SYNDIG1: variants seen among roughly 807,000 people sequenced by gnomAD.
SYNDIG1 encodes synapse differentiation inducing 1, also known as synapse differentiation-inducing gene protein 1.
In SYNDIG1, 9 loss-of-function variants were observed where a neutral mutation model predicts 19.4. The observed-to-expected ratio is 0.46, with a 90% CI of 0.28 to 0.81. SYNDIG1 has a LOEUF of 0.81. Among genes scored for constraint, SYNDIG1 ranks in the 30% least tolerant of loss-of-function variants. SYNDIG1 has a pLI of 0.12. For synonymous variants in SYNDIG1, 141 were observed against 145.9 expected, an observed-to-expected ratio of 0.97 and a Z score of 0.24; for missense variants, 311 against 343.3, an observed-to-expected ratio of 0.91 and a Z score of 0.74.
rs771960685 is a variant in SYNDIG1, at chr20:24,665,474, C to T, written c.747C>T (p.Ile249=). 4.8e-5 allele frequency: 78 copies of T among 1,614,068 alleles called. No individual in the cohort carries two copies. Among genetic ancestry groups the T allele is most frequent in the Non-Finnish European group, 6.1e-5 (72 of 1,179,998 alleles). The change falls in exon 4 of 4, where the codon ATC becomes ATT. Residue 249 remains isoleucine, a synonymous_variant. Coordinates refer to ENST00000376862, the MANE Select transcript of SYNDIG1 (RefSeq NM_024893.3). ...ATGTGGGCGTGGCCGTGGCCCTCAT[C>T]GCCTACCTCTCCAAGAACAACCACC... ...GVYVGVAVAL[I]AYLSKNNHL
chr20:24,541,245 G>A (rs1450163653), intron 1 of SYNDIG1, among the ~76,000 whole-genome samples: 5 of 152,096 alleles, frequency 3.3e-5, no homozygotes, highest in Admixed American at 3.3e-4. Flanking sequence ...CAGTCTCCAA[G>A]TAAAAAAATG....
At chr20:24,490,469 C>T (rs1483067456) in intron 1 of SYNDIG1, among the ~76,000 whole-genome samples, 1 of 152,068 alleles carries the variant, frequency 6.6e-6, no homozygotes, top group Non-Finnish European at 1.5e-5. Context: ...AGGGGCTAGG[C>T]ATAAAGAAGG....
intron 2 of SYNDIG1, among the ~76,000 whole-genome samples, chr20:24,544,768 G>C (rs2057541035): frequency 6.6e-6 from 1 of 152,156 alleles, no homozygotes; most frequent in Non-Finnish European, 1.5e-5. Context: ...TGGGGTGTGA[G>C]GAGATTGCAG....
intron 3 of SYNDIG1, among the ~76,000 whole-genome samples, chr20:24,616,690 T>TGA (rs2058940127): frequency 1.3e-5 from 2 of 152,324 alleles, no homozygotes; most frequent in Non-Finnish European, 2.9e-5. Flanking sequence ...TGGACAGGGC[T>TGA]GAGGCAGCTG....
At chr20:24,569,935 G>C (rs971966777) in intron 2 of SYNDIG1, among the ~76,000 whole-genome samples, 10 of 152,234 alleles carry the variant, frequency 6.6e-5, no homozygotes, top group African/African-American at 2.2e-4. Flanking sequence ...TAAGTGTTCT[G>C]TCTGTTGTAT....
At chr20:24,505,482 A>AT (rs1229482826) in intron 1 of SYNDIG1, among the ~76,000 whole-genome samples, 2 of 152,188 alleles carry the variant, frequency 1.3e-5, no homozygotes, top group Non-Finnish European at 2.9e-5. Context: ...TAGCAGCTAA[A>AT]TTGGGGTGGA....
chr20:24,488,744 G>T (rs967520704), intron 1 of SYNDIG1, among the ~76,000 whole-genome samples: 1 of 152,224 alleles, frequency 6.6e-6, no homozygotes, highest in African/African-American at 2.4e-5. Context: ...ACCAAGGTGT[G>T]AGTGTTTCAC....
At chr20:24,554,921 A>T (rs1468563263) in intron 2 of SYNDIG1, among the ~76,000 whole-genome samples, 1 of 151,852 alleles carries the variant, frequency 6.6e-6, no homozygotes, top group Non-Finnish European at 1.5e-5. Context: ...TCGGCTGTGA[A>T]TCCATCTGGT....
intron 1 of SYNDIG1, among the ~76,000 whole-genome samples, chr20:24,536,957 C>T (rs1403817885): frequency 6.6e-6 from 1 of 152,188 alleles, no homozygotes; most frequent in Admixed American, 6.5e-5. Flanking sequence ...AGGACCACCG[C>T]ATCTGTCAGT....
intron 3 of SYNDIG1, among the ~76,000 whole-genome samples, chr20:24,618,232 C>T (rs201715725): frequency 2.2e-5 from 2 of 89,178 alleles, no homozygotes; most frequent in Non-Finnish European, 4.6e-5. Flanking sequence ...GGAGAGAGCC[C>T]GGGGAGAGGG....
intron 3 of SYNDIG1, among the ~76,000 whole-genome samples, chr20:24,621,764 G>T (rs1461638826): frequency 6.6e-6 from 1 of 152,126 alleles, no homozygotes; most frequent in Admixed American, 6.5e-5. Context: ...TAATAACCAT[G>T]AGTTGAGCTT....
chr20:24,503,619 T>A (rs2056511505), intron 1 of SYNDIG1, among the ~76,000 whole-genome samples: 1 of 129,212 alleles, frequency 7.7e-6, no homozygotes, highest in Non-Finnish European at 1.6e-5. Flanking sequence ...CTCCAGTCCC[T>A]CTGACCCTTT....
chr20:24,607,425 G>A (rs2058774025), intron 3 of SYNDIG1, among the ~76,000 whole-genome samples: 1 of 151,962 alleles, frequency 6.6e-6, no homozygotes, highest in Non-Finnish European at 1.5e-5. Flanking sequence ...GCTGATGAGA[G>A]TCCCAGTTGG....
chr20:24,500,863 T>C (rs1253435384), intron 1 of SYNDIG1, among the ~76,000 whole-genome samples: 1 of 152,164 alleles, frequency 6.6e-6, no homozygotes, highest in African/African-American at 2.4e-5. Context: ...TAAAGCAAAA[T>C]AAATTGCATT....
intron 1 of SYNDIG1, among the ~76,000 whole-genome samples, chr20:24,525,562 G>T (rs2057107146): frequency 6.6e-6 from 1 of 152,088 alleles, no homozygotes; most frequent in Non-Finnish European, 1.5e-5. Context: ...GGGATTACAG[G>T]CGTGAGCCAC....
intron 1 of SYNDIG1, among the ~76,000 whole-genome samples, chr20:24,486,561 G>A (rs1389566148): frequency 6.6e-6 from 1 of 152,190 alleles, no homozygotes; most frequent in Non-Finnish European, 1.5e-5. Context: ...AACACCTGGG[G>A]ATTTGCAGGC....
intron 1 of SYNDIG1, among the ~76,000 whole-genome samples, chr20:24,540,795 G>A (rs1305525157): frequency 6.6e-6 from 1 of 152,112 alleles, no homozygotes; most frequent in African/African-American, 2.4e-5. Flanking sequence ...GCTTAATTCA[G>A]TTTAGTAGTA....
intron 1 of SYNDIG1, among the ~76,000 whole-genome samples, chr20:24,539,971 G>T (rs1329943312): frequency 6.6e-6 from 1 of 152,008 alleles, no homozygotes; most frequent in Admixed American, 6.6e-5. Flanking sequence ...TAGAAATAGG[G>T]TTTCACCATG....
chr20:24,545,186 G>A (rs1471564731), intron 2 of SYNDIG1, among the ~76,000 whole-genome samples: 1 of 152,160 alleles, frequency 6.6e-6, no homozygotes, highest in Non-Finnish European at 1.5e-5. Context: ...AAACTTTGGT[G>A]CAACTCCAGC....
Sources: gnomAD v4.1 joint callset for allele counts (sites outside exome capture counted in the v4.1 genomes callset) on GRCh38, gnomAD v4.1.1 for gene constraint, MANE v1.5 for transcripts, NCBI Gene and HGNC (gene_info 2026-07-23, HGNC 2026-07-21) for gene names.